The following PHACTR1 variants were observed in gnomAD, a reference collection of about 807,000 sequenced individuals.
PHACTR1 encodes the protein phosphatase and actin regulator 1, also known as RPEL repeat containing 1.
Under a neutral mutation model 69.2 loss-of-function variants are expected in PHACTR1, and 16 were observed. That is an observed-to-expected ratio of 0.23 (90% CI 0.16 to 0.35). PHACTR1 has a LOEUF of 0.35. Among genes scored for constraint, PHACTR1 ranks in the 10% least tolerant of loss-of-function variants. PHACTR1 has a pLI of 1.00. For synonymous variants in PHACTR1, 312 were observed against 284.5 expected, an observed-to-expected ratio of 1.10 and a Z score of -0.97; for missense variants, 510 against 734.7, an observed-to-expected ratio of 0.69 and a Z score of 3.54.
At chr6:12,782,294 A>C (rs979979377) in intron 4 of PHACTR1, among the ~76,000 whole-genome samples, 3 of 152,306 alleles carry the variant, frequency 2.0e-5, no homozygotes, top group Non-Finnish European at 1.5e-5. Flanking sequence ...GACGCCTTAC[A>C]TAGCATACTA....
At chr6:12,754,766 G>A (rs1298877129) in intron 4 of PHACTR1, among the ~76,000 whole-genome samples, 1 of 152,208 alleles carries the variant, frequency 6.6e-6, no homozygotes, top group Non-Finnish European at 1.5e-5. Context: ...GGCTGCGTCT[G>A]TACTGAACAT....
At position 13,235,109 on chromosome 6, in the gene PHACTR1, A is replaced by C. The variant is rs1467060506; in HGVS notation, c.1391+4916A>C. On this transcript the variant is annotated intron_variant, in intron 10 of 14. Coordinates refer to ENST00000332995, the MANE Select transcript of PHACTR1 (RefSeq NM_030948.6). ...ATTCGTATTGATGAAGTTCTCTTAG[A>C]ATCCACTGGTTTGAGTGTCACTTCT... Among the ~76,000 whole-genome samples, 6 of 152,196 alleles carry C rather than the reference A, an allele frequency of 3.9e-5. No individual in the cohort carries two copies. The East Asian group carries it at 1.2e-3, about 29-fold the overall frequency.
intron 10 of PHACTR1, among the ~76,000 whole-genome samples, chr6:13,261,810 C>T (rs558189932): frequency 4.6e-5 from 7 of 151,980 alleles, no homozygotes; most frequent in Non-Finnish European, 8.8e-5. Context: ...TAAGCTGTAA[C>T]GTTAGGGATT....
chr6:12,913,340 A>G lies in PHACTR1; in HGVS notation c.251-140025A>G, dbSNP rs528696141. Among the ~76,000 whole-genome samples the G allele has an allele frequency of 3.3e-5, 5 of 152,334 alleles. No individual in the cohort carries two copies. In the South Asian group the frequency reaches 1.0e-3, roughly 32 times the overall value. On this transcript the variant is annotated intron_variant, in intron 4 of 14. Coordinates refer to ENST00000332995, the MANE Select transcript of PHACTR1 (RefSeq NM_030948.6). ...AAAACCTTCACTCAAATTTTAGCAC[A>G]CAAAGTCCCACGACCCCGTTGCTGC... is the stretch of plus-strand genomic sequence containing the variant.
chr6:12,740,621 T>C (rs1215554259), intron 3 of PHACTR1, among the ~76,000 whole-genome samples: 2 of 152,174 alleles, frequency 1.3e-5, no homozygotes, highest in Non-Finnish European at 2.9e-5. Flanking sequence ...AAGGAGATCT[T>C]TTACATATTC....
chr6:13,238,353 G>A (rs1772322744), intron 10 of PHACTR1, among the ~76,000 whole-genome samples: 1 of 152,114 alleles, frequency 6.6e-6, no homozygotes, highest in Non-Finnish European at 1.5e-5. Context: ...TATCATTACT[G>A]TGACTTAGTG....
chr6:12,834,967 A>G (rs778269663), intron 4 of PHACTR1, among the ~76,000 whole-genome samples: 1 of 152,136 alleles, frequency 6.6e-6, no homozygotes, highest in Non-Finnish European at 1.5e-5. Flanking sequence ...TGAAAGGCAA[A>G]ATGATTTATT....
chr6:12,985,528 T>TAAA (rs149850503), intron 4 of PHACTR1, among the ~76,000 whole-genome samples: 5 of 134,916 alleles, frequency 3.7e-5, no homozygotes, highest in African/African-American at 8.2e-5. Flanking sequence ...TACTACAAAT[T>TAAA]AAAAAAAAAA....
chr6:12,871,716 C>T (rs1040239840), intron 4 of PHACTR1, among the ~76,000 whole-genome samples: 1 of 152,146 alleles, frequency 6.6e-6, no homozygotes, highest in Admixed American at 6.5e-5. Flanking sequence ...GTAGTGTCAG[C>T]CCGATCCATC....
At chr6:12,891,056 G>T (rs1335960937) in intron 4 of PHACTR1, among the ~76,000 whole-genome samples, 2 of 152,142 alleles carry the variant, frequency 1.3e-5, no homozygotes, top group South Asian at 2.1e-4. Context: ...TGTAAAAAAA[G>T]ATTTTTGTAG....
At chr6:13,107,667 T>C (rs973235364) in intron 5 of PHACTR1, among the ~76,000 whole-genome samples, 13 of 152,206 alleles carry the variant, frequency 8.5e-5, no homozygotes, top group Non-Finnish European at 1.5e-4. Context: ...TTGTTCACAA[T>C]ATTCCATTAT....
At chr6:12,987,065 A>G (rs1043941133) in intron 4 of PHACTR1, among the ~76,000 whole-genome samples, 2 of 152,212 alleles carry the variant, frequency 1.3e-5, no homozygotes, top group Non-Finnish European at 2.9e-5. Flanking sequence ...ACACATCTAT[A>G]TATGTATACA....
intron 4 of PHACTR1, among the ~76,000 whole-genome samples, chr6:12,864,957 T>A (rs542873717): frequency 6.6e-6 from 1 of 151,912 alleles, no homozygotes; most frequent in South Asian, 2.1e-4. Flanking sequence ...TCTTCATTGC[T>A]ATCTACACAA....
intron 8 of PHACTR1, among the ~76,000 whole-genome samples, chr6:13,209,001 G>A (rs1766378428): frequency 6.6e-6 from 1 of 152,100 alleles, no homozygotes. Flanking sequence ...CGAGGTCAAA[G>A]CATAGGGTTG....
intron 5 of PHACTR1, among the ~76,000 whole-genome samples, chr6:13,138,006 A>T (rs1353190963): frequency 6.6e-6 from 1 of 152,248 alleles, no homozygotes. Flanking sequence ...GATGCTAATT[A>T]AAGGCAGTGA....
chr6:12,862,097 G>A (rs764621431), intron 4 of PHACTR1, among the ~76,000 whole-genome samples: 27 of 152,112 alleles, frequency 1.8e-4, no homozygotes, highest in Non-Finnish European at 3.8e-4. Context: ...TTATATTCTA[G>A]GAAGAGAGAC....
At chr6:13,070,990 TTA>T (rs2127773134) in intron 5 of PHACTR1, among the ~76,000 whole-genome samples, 3 of 51,212 alleles carry the variant, frequency 5.9e-5, no homozygotes, top group East Asian at 1.5e-3. Context: ...GCCTTAATAA[TTA>T]AAAAAAAAAA....
At chr6:12,977,909 T>G (rs1409069159) in intron 4 of PHACTR1, among the ~76,000 whole-genome samples, 1 of 151,872 alleles carries the variant, frequency 6.6e-6, no homozygotes, top group African/African-American at 2.4e-5. Context: ...AGATCTTGTT[T>G]TGGAGGAGGT....
intron 5 of PHACTR1, among the ~76,000 whole-genome samples, chr6:13,140,708 T>G (rs1454299170): frequency 1.3e-5 from 2 of 152,212 alleles, no homozygotes; most frequent in African/African-American, 2.4e-5. Context: ...CTGGAGATGG[T>G]TGCACAATGA....
Sources: allele counts gnomAD v4.1 joint callset (sites outside exome capture counted in the v4.1 genomes callset), GRCh38; gene constraint gnomAD v4.1.1; transcripts MANE v1.5; gene names NCBI Gene and HGNC (gene_info 2026-07-23, HGNC 2026-07-21).